CDKL1: variants seen among roughly 807,000 people sequenced by gnomAD.
CDKL1 encodes the protein cyclin-dependent kinase-like 1.
CDKL1 carries 41 observed loss-of-function variants against 42.0 expected under a neutral mutation model. The observed-to-expected ratio is 0.98, with a 90% CI of 0.76 to 1.27. CDKL1 has a LOEUF of 1.27. Among genes scored for constraint, CDKL1 ranks in the 50% most tolerant of loss-of-function variants. The pLI is 0.00. For missense variants in CDKL1, 394 were observed against 428.4 expected (o/e 0.92, Z 0.71); for synonymous variants, 153 against 158.6 (o/e 0.96, Z 0.26).
At chr14:50,397,036 C>G (rs770712961), upstream of CDKL1, 1 of 1,270,156 alleles carries the variant, frequency 7.9e-7, no homozygotes, top group Non-Finnish European at 1.0e-6. Flanking sequence ...GGCCGCCCTC[C>G]GTCCATGGGA....
At chr14:50,366,107 C>T (rs2034430829) in intron 2 of CDKL1, among the ~76,000 whole-genome samples, 1 of 152,160 alleles carries the variant, frequency 6.6e-6, no homozygotes, top group African/African-American at 2.4e-5. Context: ...ATACATCTAT[C>T]CTATTGGTTC....
chr14:50,389,852 A>C (rs1468616861), intron 2 of CDKL1, among the ~76,000 whole-genome samples: 1 of 152,140 alleles, frequency 6.6e-6, no homozygotes, highest in Non-Finnish European at 1.5e-5. Flanking sequence ...TGTTTGGTAT[A>C]AAGTGATGGA....
chr14:50,392,023 C>T (rs1349064189), intron 2 of CDKL1, among the ~76,000 whole-genome samples: 1 of 152,206 alleles, frequency 6.6e-6, no homozygotes, highest in Non-Finnish European at 1.5e-5. Context: ...TCCTGCCTCT[C>T]CACTCACACA....
intron 2 of CDKL1, among the ~76,000 whole-genome samples, chr14:50,367,573 T>G (rs1439333097): frequency 6.6e-6 from 1 of 152,244 alleles, no homozygotes; most frequent in East Asian, 1.9e-4. Context: ...TGAGAAGAAC[T>G]AAGCAACATG....
At chr14:50,330,295 T>G in intron 9 of CDKL1, 114 bp from the exon 10 acceptor site, 1 of 1,328,356 alleles carries the variant, frequency 7.5e-7, no homozygotes, top group Non-Finnish European at 1.0e-6. Context: ...GTACTTTTTT[T>G]GCACACAATC....
chr14:50,371,539 C>T (rs1202268952), intron 2 of CDKL1, among the ~76,000 whole-genome samples: 1 of 152,192 alleles, frequency 6.6e-6, no homozygotes, highest in Non-Finnish European at 1.5e-5. Flanking sequence ...GAGAGATGTC[C>T]ATTCAGATCC....
At chr14:50,332,552 G>A (rs1442615882) in intron 8 of CDKL1, 120 bp from the exon 9 acceptor site, 22 of 1,485,810 alleles carry the variant, frequency 1.5e-5, no homozygotes, top group Non-Finnish European at 1.8e-5. Flanking sequence ...GAAAAGGCAG[G>A]AAAACACACC....
At chr14:50,369,619 C>CAA (rs2139483874) in intron 2 of CDKL1, among the ~76,000 whole-genome samples, 1 of 149,872 alleles carries the variant, frequency 6.7e-6, no homozygotes, top group South Asian at 2.1e-4. Context: ...CACACACACA[C>CAA]ACACACACAC....
At chr14:50,361,358 A>G (rs2034241139) in intron 2 of CDKL1, among the ~76,000 whole-genome samples, 1 of 152,212 alleles carries the variant, frequency 6.6e-6, no homozygotes, top group Non-Finnish European at 1.5e-5. Context: ...TACTTGATGA[A>G]CAAGTATAAA....
intron 7 of CDKL1, among the ~76,000 whole-genome samples, chr14:50,337,681 CTTTTTT>C (rs71118872): frequency 7.5e-6 from 1 of 133,588 alleles, no homozygotes; most frequent in African/African-American, 2.8e-5. Context: ...TTTTTTCTTT[CTTTTTT>C]TTTTTTTTTG....
At chr14:50,354,832 T>G (rs1257111230) in intron 3 of CDKL1, among the ~76,000 whole-genome samples, 1 of 152,174 alleles carries the variant, frequency 6.6e-6, no homozygotes, top group African/African-American at 2.4e-5. Flanking sequence ...CATTTCAGGT[T>G]CAAATGAGAA....
intron 3 of CDKL1, chr14:50,357,909 A>G: frequency 8.3e-6 from 4 of 479,462 alleles, no homozygotes. Flanking sequence ...TGCAAGGCAC[A>G]ATGAAGAAGA....
chr14:50,380,199 C>T (rs761920450), intron 2 of CDKL1: 3 of 532,622 alleles, frequency 5.6e-6, no homozygotes, highest in Admixed American at 1.9e-5. Flanking sequence ...CCTGGCAACA[C>T]AACCCTGGTC....
rs184816525 is a variant in CDKL1, at chr14:50,334,242, C to T, written c.795+323G>A. The T allele has an allele frequency of 2.6e-3, 505 of 197,838 alleles. 2 individuals are homozygous for T. Among genetic ancestry groups the T allele is most frequent in the African/African-American group, 0.011 (455 of 43,274 alleles). The allele number at this position is 197,838 out of a possible 1,614,324, so 12.3% of individuals were successfully genotyped here. On this transcript the variant is annotated intron_variant, in intron 8 of 9. Transcript: ENST00000395834. ...TGCAATCTCAACTCACTGCAACCTC[C>T]GCCTCCCAGGCTCAAGCAATTCTCC...
At chr14:50,394,347 G>A (rs994724167) in intron 2 of CDKL1, among the ~76,000 whole-genome samples, 6 of 152,248 alleles carry the variant, frequency 3.9e-5, no homozygotes, top group Admixed American at 2.0e-4. Flanking sequence ...CCCCTGCGGG[G>A]CTTTGGAAGC....
chr14:50,335,355 C>T, intron 7 of CDKL1: 1 of 633,186 alleles, frequency 1.6e-6, no homozygotes, highest in Non-Finnish European at 2.6e-6. Flanking sequence ...AAGGGAGCTG[C>T]AAAATAGATG....
chr14:50,391,768 C>A (rs2035263213), intron 2 of CDKL1, among the ~76,000 whole-genome samples: 1 of 152,122 alleles, frequency 6.6e-6, no homozygotes, highest in Admixed American at 6.6e-5. Flanking sequence ...CAATTCTCTC[C>A]CTCCTCCAAC....
intron 2 of CDKL1, chr14:50,378,382 A>G (rs1240586768): frequency 6.6e-6 from 9 of 1,366,424 alleles, no homozygotes; most frequent in Non-Finnish European, 7.8e-6. Flanking sequence ...CCTCATAGGT[A>G]CCAGCAGCCG....
chr14:50,374,441 G>A (rs2034673504), intron 2 of CDKL1, among the ~76,000 whole-genome samples: 1 of 152,204 alleles, frequency 6.6e-6, no homozygotes, highest in African/African-American at 2.4e-5. Flanking sequence ...TCATGTAGGA[G>A]GTTGGGGAAT....
Sources: gnomAD v4.1 joint callset for allele counts (sites outside exome capture counted in the v4.1 genomes callset) on GRCh38, gnomAD v4.1.1 for gene constraint, MANE v1.5 for transcripts, NCBI Gene and HGNC (gene_info 2026-07-23, HGNC 2026-07-21) for gene names.